DNAH5: variants seen among roughly 807,000 people sequenced by gnomAD.
DNAH5 encodes axonemal beta dynein heavy chain 5.
A neutral mutation model predicts 518.2 loss-of-function variants in DNAH5; 372 were observed. That is an observed-to-expected ratio of 0.72 (90% CI 0.66 to 0.78). DNAH5 has a LOEUF of 0.78. Among genes scored for constraint, DNAH5 ranks in the 30% least tolerant of loss-of-function variants. The probability of loss-of-function intolerance (pLI) is 0.00; values close to 1 mark genes in which losing one functional copy is unlikely to be tolerated. For synonymous variants in DNAH5, 2,039 were observed against 2,025.9 expected, an observed-to-expected ratio of 1.01 and a Z score of -0.17; for missense variants, 5,523 against 5,687.0, an observed-to-expected ratio of 0.97 and a Z score of 0.93.
chr5:13,752,080 G>T lies in DNAH5; in HGVS notation c.11028+54C>A. ...GAGAGAATTCTATCTGTGTCACATT[G>T]ACCTGGCCTCATGGTAATTGTTCTG... is the stretch of plus-strand genomic sequence containing the variant. On this transcript the variant is annotated intron_variant, in intron 64 of 78. Coordinates refer to ENST00000265104, the MANE Select transcript of DNAH5 (RefSeq NM_001369.3). 3 of 1,579,134 alleles carry T rather than the reference G, an allele frequency of 1.9e-6. No individual in the cohort carries two copies. The South Asian group carries it at 3.3e-5, about 18-fold the overall frequency.
chr5:13,814,645 A>G lies in DNAH5; in HGVS notation c.7190T>C (p.Phe2397Ser). Residue 2397 changes from phenylalanine (F) to serine (S), a missense_variant, in exon 43 of 79, where the codon TTC (phenylalanine) becomes TCC (serine). Around this residue, in one of 3 missense-constraint regions of DNAH5, gnomAD observed 5,121 missense variants for 5,223.3 expected, o/e 0.98. Coordinates refer to ENST00000265104, the MANE Select transcript of DNAH5 (RefSeq NM_001369.3). Reference protein sequence around the residue: ...PATVSRNGMVFMSSSILDWSP... With the variant: ...PATVSRNGMVSMSSSILDWSP... ...CCAATCAAGGATAGAAGAGCTCATG[A>G]AAACCATTCCATTTCTTGAGACGGT... 6.2e-7 allele frequency: 1 copy of G among 1,614,056 alleles called. No homozygotes were observed. Among genetic ancestry groups the G allele is most frequent in the African/African-American group, 1.3e-5 (1 of 75,070 alleles).
intron 13 of DNAH5, 35 bp from the exon 14 acceptor site, chr5:13,901,608 T>C (rs537598973): frequency 2.7e-5 from 37 of 1,348,004 alleles, no homozygotes; most frequent in Admixed American, 7.8e-5. Context: ...CTTGAATTAA[T>C]GGAATAAAAT....
At position 13,752,257 on chromosome 5, in the gene DNAH5, G is replaced by A. The variant is rs1387347831; in HGVS notation, c.10905C>T (p.Asn3635=). Residue 3635 remains asparagine, a synonymous_variant, in exon 64 of 79, where the codon AAC becomes AAT. Coordinates refer to ENST00000265104, the MANE Select transcript of DNAH5 (RefSeq NM_001369.3). The stretch of plus-strand genomic sequence containing the variant: ...CAAGAGAAAGGCTGTCTTCCAGGTG[G>A]TTTCTGAAGTACTTGTGATTTAAAG... ...ITSLNHKYFR[N]HLEDSLSLGR... is the part of the protein sequence containing the mutation. 6.2e-6 allele frequency: 10 copies of A among 1,613,912 alleles called. No homozygotes were observed. The highest frequency in any genetic ancestry group is 8.5e-6 in the Non-Finnish European group (10 of 1,179,954).
rs766072810 is a variant in DNAH5, at chr5:13,900,272, G to C, written c.2193C>G (p.Val731=). 6.2e-7 allele frequency: 1 copy of C among 1,614,156 alleles called. No individual in the cohort carries two copies. The highest frequency in any genetic ancestry group is 8.5e-7 in the Non-Finnish European group (1 of 1,180,010). The stretch of plus-strand genomic sequence containing the variant: ...GGAAGAGGGAAGTTGCCAGTGGAGA[G>C]ACTTCCAGACCCATCTGGGCCATGC... ...TECMAQMGLE[V]SPLATSLFQK... Residue 731 remains valine, a synonymous_variant, in exon 15 of 79, where the codon GTC becomes GTG. Transcript: ENST00000265104.
At chr5:13,758,324 G>A (rs1268881243) in intron 61 of DNAH5, among the ~76,000 whole-genome samples, 3 of 152,010 alleles carry the variant, frequency 2.0e-5, no homozygotes, top group Non-Finnish European at 2.9e-5. Flanking sequence ...GCAATATGGT[G>A]AAAACTTGTC....
upstream of DNAH5, among the ~76,000 whole-genome samples, chr5:13,949,267 T>C (rs901463982): frequency 1.3e-5 from 2 of 152,240 alleles, no homozygotes; most frequent in African/African-American, 4.8e-5. Context: ...GCCAGTATGA[T>C]TATATGCAAG....
At chr5:13,803,205 C>T (rs1759052559) in intron 47 of DNAH5, among the ~76,000 whole-genome samples, 2 of 152,074 alleles carry the variant, frequency 1.3e-5, no homozygotes, top group African/African-American at 4.8e-5. Flanking sequence ...CATATGTGTG[C>T]TATTAGCTAA....
intron 1 of DNAH5, among the ~76,000 whole-genome samples, chr5:13,974,876 G>A (rs896595373): frequency 7.2e-5 from 11 of 152,164 alleles, no homozygotes; most frequent in Non-Finnish European, 2.9e-5. Flanking sequence ...CGGAAGCCAT[G>A]GAAAGCTGGT....
intron 51 of DNAH5, among the ~76,000 whole-genome samples, chr5:13,787,506 T>C (rs1346499003): frequency 6.6e-6 from 1 of 152,142 alleles, no homozygotes; most frequent in Non-Finnish European, 1.5e-5. Context: ...CAAATTCCAG[T>C]AGTCACAATT....
intron 1 of DNAH5, among the ~76,000 whole-genome samples, chr5:13,951,565 A>G (rs1193545490): frequency 6.6e-6 from 1 of 152,096 alleles, no homozygotes; most frequent in African/African-American, 2.4e-5. Flanking sequence ...TAAGGTATTC[A>G]TTGAAAAGGA....
intron 32 of DNAH5, among the ~76,000 whole-genome samples, chr5:13,844,482 A>G (rs1379089324): frequency 6.7e-6 from 1 of 149,706 alleles, no homozygotes; most frequent in Non-Finnish European, 1.5e-5. Flanking sequence ...AGATTAAAAC[A>G]ATTACATCAT....
chr5:14,001,993 A>G (rs2662628), intron 1 of DNAH5, among the ~76,000 whole-genome samples: 112,357 of 151,468 alleles, frequency 0.74, 42,020 homozygotes, highest in East Asian at 0.97. Context: ...CCACCTCCCA[A>G]GTTCAAGTGA....
intron 28 of DNAH5, 117 bp from the exon 29 acceptor site, chr5:13,862,864 A>ATGTAT: frequency 6.3e-6 from 2 of 317,870 alleles, no homozygotes; most frequent in Non-Finnish European, 5.3e-6. Context: ...ATATATATAT[A>ATGTAT]AACTTTTATA....
At chr5:13,830,901 C>T (rs1467403896) in intron 35 of DNAH5, 126 bp from the exon 36 acceptor site, 17 of 854,120 alleles carry the variant, frequency 2.0e-5, no homozygotes, top group Admixed American at 6.0e-5. Context: ...CCTAACATTT[C>T]GAATACAACA....
In DNAH5 at chr5:13,912,342, T is replaced by C. The variant is rs549766877; in HGVS notation, c.1537-849A>G. Among the ~76,000 whole-genome samples the C allele has an allele frequency of 6.6e-5, 10 of 152,120 alleles. No homozygotes were observed. The East Asian group carries it at 1.9e-3, about 29-fold the overall frequency. On this transcript the variant is annotated intron_variant, in intron 11 of 78. Coordinates refer to ENST00000265104, the MANE Select transcript of DNAH5 (RefSeq NM_001369.3). Reference sequence around the variant, plus strand: ...AACAGCATAACTTCTTGAATCAAGTTTACTAGATAAAACAACCTACTTTTT... The same window carrying C: ...AACAGCATAACTTCTTGAATCAAGTCTACTAGATAAAACAACCTACTTTTT...
intron 58 of DNAH5, among the ~76,000 whole-genome samples, chr5:13,766,597 T>TA (rs963384354): frequency 7.0e-4 from 106 of 152,340 alleles, no homozygotes; most frequent in African/African-American, 2.5e-3. Flanking sequence ...CTCTCTCTCT[T>TA]AAACAATTCA....
intron 70 of DNAH5, among the ~76,000 whole-genome samples, chr5:13,722,993 C>T (rs1561114487): frequency 6.6e-6 from 1 of 152,152 alleles, no homozygotes; most frequent in African/African-American, 2.4e-5. Flanking sequence ...CCAAACAGCA[C>T]CTTGGCCCCT....
At chr5:13,823,607 G>A (rs1161630280) in intron 39 of DNAH5, among the ~76,000 whole-genome samples, 1 of 152,110 alleles carries the variant, frequency 6.6e-6, no homozygotes, top group Non-Finnish European at 1.5e-5. Flanking sequence ...AGACAATACT[G>A]TCTATGTGAC....
intron 33 of DNAH5, 109 bp from the exon 34 acceptor site, chr5:13,841,239 AT>A (rs1765119117): frequency 4.5e-6 from 4 of 879,750 alleles, no homozygotes; most frequent in African/African-American, 1.7e-5. Context: ...TAAAGCCATG[AT>A]TACATCAACT....
Sources: allele counts gnomAD v4.1 joint callset (sites outside exome capture counted in the v4.1 genomes callset), GRCh38; gene constraint gnomAD v4.1.1; regional missense constraint gnomAD v4.1.1; transcripts MANE v1.5; gene names NCBI Gene and HGNC (gene_info 2026-07-23, HGNC 2026-07-21).